The following GLI2 variants were observed in gnomAD, a reference collection of about 807,000 sequenced individuals.
GLI2 encodes GLI family zinc finger 2, also known as transcription activator GLI2.
Under a neutral mutation model 78.9 loss-of-function variants are expected in GLI2, and 22 were observed. The observed-to-expected ratio is 0.28, with a 90% CI of 0.20 to 0.40. GLI2 has a LOEUF of 0.40. Ranked by LOEUF, GLI2 falls within the 10% of genes least tolerant of loss-of-function variation. The probability of loss-of-function intolerance (pLI) is 1.00; values close to 1 mark genes in which losing one functional copy is unlikely to be tolerated. For synonymous variants in GLI2, 974 were observed against 963.7 expected (o/e 1.01, Z -0.20); for missense variants, 2,097 against 2,213.2 (o/e 0.95, Z 1.05).
intron 2 of GLI2, among the ~76,000 whole-genome samples, chr2:120,816,817 T>C (rs146942527): frequency 1.7e-4 from 26 of 152,316 alleles, no homozygotes; most frequent in Non-Finnish European, 2.2e-4. Context: ...GATCTAGAGA[T>C]AGAAAAGAGG....
intron 2 of GLI2, among the ~76,000 whole-genome samples, chr2:120,918,330 A>C (rs971470261): frequency 6.6e-6 from 1 of 152,076 alleles, no homozygotes; most frequent in African/African-American, 2.4e-5. Flanking sequence ...ATGGAGGAAA[A>C]GTTCTCTTCA....
intron 2 of GLI2, among the ~76,000 whole-genome samples, chr2:120,896,314 T>C (rs1677942333): frequency 1.3e-5 from 2 of 149,454 alleles, no homozygotes; most frequent in African/African-American, 2.5e-5. Context: ...ACCAGGGGTG[T>C]GGGTAGGCGA....
Position 120,948,890 on chromosome 2 carries a change from G to A in GLI2, c.255-2353G>A, listed in dbSNP as rs372341998. Reference sequence around the variant, plus strand: ...TCTGGGAACCTGCCGTGCCTGGAGTGTCTGGGGAGGACCGAGAAGTCAGGA... The same window carrying A: ...TCTGGGAACCTGCCGTGCCTGGAGTATCTGGGGAGGACCGAGAAGTCAGGA... On this transcript the variant is annotated intron_variant, in intron 3 of 13. Coordinates refer to ENST00000361492, the MANE Select transcript of GLI2 (RefSeq NM_001374353.1). 4.6e-5 allele frequency among the ~76,000 whole-genome samples: 7 copies of A among 152,284 alleles called. No homozygotes were observed. The East Asian group carries it at 1.2e-3, about 25-fold the overall frequency.
chr2:120,917,269 A>C (rs567084554), intron 2 of GLI2, among the ~76,000 whole-genome samples: 1 of 152,270 alleles, frequency 6.6e-6, no homozygotes, highest in African/African-American at 2.4e-5. Flanking sequence ...CAAATTGTAC[A>C]TTAAGCGTGG....
chr2:120,985,409 G>T (rs1392393191), intron 12 of GLI2, among the ~76,000 whole-genome samples: 11 of 152,220 alleles, frequency 7.2e-5, no homozygotes, highest in Non-Finnish European at 1.5e-5. Flanking sequence ...CAGGTGTGGG[G>T]AGCAGGGGCG....
chr2:120,965,492 G>A (rs60888331), intron 5 of GLI2, among the ~76,000 whole-genome samples: 7 of 75,216 alleles, frequency 9.3e-5, no homozygotes, highest in Non-Finnish European at 1.1e-4. Context: ...CAGATGCTGC[G>A]GCAGAGGGGC....
At chr2:120,750,107 T>A (rs1682818298) in intron 1 of GLI2, among the ~76,000 whole-genome samples, 1 of 152,242 alleles carries the variant, frequency 6.6e-6, no homozygotes, top group Non-Finnish European at 1.5e-5. Flanking sequence ...GCAGGCTTTG[T>A]CTCAGCAGAG....
In GLI2 at chr2:120,986,382, G is replaced by A; in HGVS notation, c.2010G>A (p.Gly670=). 1 of 1,613,616 alleles carries A rather than the reference G, an allele frequency of 6.2e-7. No homozygotes were observed. The highest frequency in any genetic ancestry group is 8.5e-7 in the Non-Finnish European group (1 of 1,179,928). Residue 670 remains glycine, a synonymous_variant, in exon 13 of 14, where the codon GGG becomes GGA. Coordinates refer to ENST00000361492, the MANE Select transcript of GLI2 (RefSeq NM_001374353.1). ...NDSGVEMPGT[G]PGSLGDLTAL... is the part of the protein sequence containing the mutation. Reference sequence around the variant, plus strand: ...GTGGCGTGGAGATGCCGGGGACGGGGCCCGGGAGCCTGGGAGACCTGACGG... The same window carrying A: ...GTGGCGTGGAGATGCCGGGGACGGGACCCGGGAGCCTGGGAGACCTGACGG...
intron 2 of GLI2, among the ~76,000 whole-genome samples, chr2:120,923,417 A>G (rs1292289997): frequency 6.6e-6 from 1 of 152,078 alleles, no homozygotes; most frequent in African/African-American, 2.4e-5. Flanking sequence ...GTACATATAC[A>G]CAGCAACACA....
In GLI2 at chr2:120,920,449, A is replaced by G. The variant is rs193070058; in HGVS notation, c.149-6912A>G. ...CCAGGAATCCACAGGATCATTTCTA[A>G]TGGGGCATTAACTTGAGCCAGGTTT... On this transcript the variant is annotated intron_variant, in intron 2 of 13. Transcript: ENST00000361492. Among the ~76,000 whole-genome samples the G allele has an allele frequency of 3.2e-3, 494 of 152,300 alleles. 4 individuals carry two copies. Among genetic ancestry groups the G allele is most frequent in the Admixed American group, 5.4e-3 (82 of 15,308 alleles).
At position 120,988,859 on chromosome 2, in the gene GLI2, C is replaced by G; in HGVS notation, c.2894C>G (p.Pro965Arg). 5 of 1,493,196 alleles carry G rather than the reference C, an allele frequency of 3.3e-6. No homozygotes were observed. Among genetic ancestry groups the G allele is most frequent in the Non-Finnish European group, 4.4e-6 (5 of 1,123,618 alleles). 92.5% of individuals were successfully genotyped at this position (1,493,196 alleles called of 1,614,324 possible). The change falls in exon 14 of 14, where the codon CCG (proline) becomes CGG (arginine). Residue 965 changes from proline to arginine, a missense_variant. Transcript: ENST00000361492. Reference sequence around the variant, plus strand: ...CGGCGGCCCGATGCCCTGTCCCTGCCGCGGGTGCAGCGCTTCCACAGCACC... The same window carrying G: ...CGGCGGCCCGATGCCCTGTCCCTGCGGCGGGTGCAGCGCTTCCACAGCACC... ...PVRRPDALSL[P>R]RVQRFHSTHN...
chr2:120,771,883 T>G (rs998179636), intron 1 of GLI2, among the ~76,000 whole-genome samples: 12 of 152,216 alleles, frequency 7.9e-5, no homozygotes, highest in African/African-American at 2.9e-4. Flanking sequence ...ACGCCCACGG[T>G]GCTTGCAGAC....
chr2:120,932,967 G>A (rs917960595), intron 3 of GLI2, among the ~76,000 whole-genome samples: 2 of 152,108 alleles, frequency 1.3e-5, no homozygotes, highest in African/African-American at 4.8e-5. Flanking sequence ...CCTCCTTTTG[G>A]CAACCAGGAG....
At chr2:120,968,691 G>A (rs1249368226) in intron 5 of GLI2, 23 bp from the exon 6 acceptor site, 1 of 1,580,520 alleles carries the variant, frequency 6.3e-7, no homozygotes, top group Admixed American at 1.7e-5. Flanking sequence ...ATGCTGACCT[G>A]TCTTGTGTTG....
rs778884134 is a variant in GLI2, at chr2:120,988,542, C to T, written c.2577C>T (p.Ser859=). ...AGGCCAGCCAGTGCAGCGGCGGCTC[C>T]GGGCTGCTCAACCTCACGCCGGCGC... ...SSEASQCSGG[S]GLLNLTPAQQ... Residue 859 remains serine, a synonymous_variant, in exon 14 of 14, where the codon TCC becomes TCT. Transcript: ENST00000361492. 9 of 1,503,902 alleles carry T rather than the reference C, an allele frequency of 6.0e-6. No homozygotes were observed. The highest frequency in any genetic ancestry group is 5.8e-5 in the African/African-American group (4 of 68,986). The allele number at this position is 1,503,902 out of a possible 1,614,324, so 93.2% of individuals were successfully genotyped here. A position where few individuals can be genotyped will look rare whatever the true frequency, so the allele number is the denominator to read the frequency against.
rs1278024856 is a variant in GLI2, at chr2:120,934,391, ACCATCTGACCTCTGACAT to A, written c.254+6929_254+6946del. On this transcript the variant is annotated intron_variant, in intron 3 of 13. Transcript: ENST00000361492. ...GCCTTCCTTTCTCCTCCTGCCTGGC[ACCATCTGACCTCTGACAT>A]CCACGACTCCACCCCCGACCTGACC... 2.6e-5 allele frequency among the ~76,000 whole-genome samples: 4 copies of A among 152,186 alleles called. No homozygotes were observed. The South Asian group carries it at 8.3e-4, about 31-fold the overall frequency.
chr2:120,931,891 C>T (rs960880882), intron 3 of GLI2, among the ~76,000 whole-genome samples: 3 of 152,170 alleles, frequency 2.0e-5, no homozygotes, highest in African/African-American at 7.2e-5. Context: ...GCTCCCAGAG[C>T]CCCCCGTCCC....
chr2:120,814,555 C>G (rs1190701716), intron 2 of GLI2, among the ~76,000 whole-genome samples: 1 of 152,184 alleles, frequency 6.6e-6, no homozygotes, highest in Non-Finnish European at 1.5e-5. Flanking sequence ...GGCACCAGTC[C>G]ATGCCCTGTT....
intron 2 of GLI2, among the ~76,000 whole-genome samples, chr2:120,831,375 G>A (rs1686353542): frequency 6.6e-6 from 1 of 152,208 alleles, no homozygotes; most frequent in Admixed American, 6.5e-5. Context: ...TGGGCACCAG[G>A]CCTCCCTGGA....
Sources: gnomAD v4.1 joint callset for allele counts (sites outside exome capture counted in the v4.1 genomes callset) on GRCh38, gnomAD v4.1.1 for gene constraint, MANE v1.5 for transcripts, NCBI Gene and HGNC (gene_info 2026-07-23, HGNC 2026-07-21) for gene names.